Variants in BMPER observed in about 807,000 individuals in gnomAD.
The protein encoded by BMPER is BMP binding endothelial regulator, also known as BMP-binding endothelial regulator protein.
BMPER carries 45 observed loss-of-function variants against 87.3 expected under a neutral mutation model. The observed-to-expected ratio is 0.52, with a 90% confidence interval of 0.41 to 0.66. The LOEUF is 0.66. Among genes scored for constraint, BMPER ranks in the 30% least tolerant of loss-of-function variants. The probability of loss-of-function intolerance (pLI) is 0.00; values close to 1 mark genes in which losing one functional copy is unlikely to be tolerated. For missense variants in BMPER, 784 were observed against 867.5 expected, an observed-to-expected ratio of 0.90 and a Z score of 1.21; for synonymous variants, 326 against 316.2, an observed-to-expected ratio of 1.03 and a Z score of -0.33.
chr7:33,924,424 G>A (rs1483912752), intron 2 of BMPER, among the ~76,000 whole-genome samples: 7 of 152,100 alleles, frequency 4.6e-5, no homozygotes, highest in African/African-American at 1.7e-4. Flanking sequence ...ATGGCCCTGC[G>A]CGCTGCGGCT....
intron 14 of BMPER, among the ~76,000 whole-genome samples, chr7:34,152,379 A>AT (rs962206638): frequency 3.9e-5 from 6 of 152,234 alleles, no homozygotes; most frequent in African/African-American, 7.2e-5. Flanking sequence ...TGTTTGCATT[A>AT]TTTTTTTCTG....
intron 2 of BMPER, among the ~76,000 whole-genome samples, chr7:33,933,162 C>T (rs570012459): frequency 6.6e-6 from 1 of 152,252 alleles, no homozygotes; most frequent in South Asian, 2.1e-4. Flanking sequence ...TGTTGCCAGT[C>T]ATGTTGATTT....
At chr7:34,036,740 A>G (rs1787680906) in intron 6 of BMPER, among the ~76,000 whole-genome samples, 2 of 152,218 alleles carry the variant, frequency 1.3e-5, no homozygotes, top group Admixed American at 1.3e-4. Context: ...CAAAGAGGAA[A>G]GTAAAATAGC....
chr7:33,986,973 C>G (rs1237875243), intron 6 of BMPER, among the ~76,000 whole-genome samples: 1 of 152,012 alleles, frequency 6.6e-6, no homozygotes, highest in Non-Finnish European at 1.5e-5. Flanking sequence ...TCTGTTCCAT[C>G]TCCTTCCCCG....
At chr7:34,028,521 T>G (rs2127949707) in intron 6 of BMPER, among the ~76,000 whole-genome samples, 1 of 150,324 alleles carries the variant, frequency 6.7e-6, no homozygotes, top group Admixed American at 6.7e-5. Context: ...AAACCACTAG[T>G]CTAAGCTATA....
At chr7:34,128,517 A>C (rs80292919) in intron 13 of BMPER, among the ~76,000 whole-genome samples, 11 of 152,346 alleles carry the variant, frequency 7.2e-5, no homozygotes, top group East Asian at 3.9e-4. Flanking sequence ...GTTTGCGCTT[A>C]GGTGGAACAC....
At chr7:34,125,778 T>C (rs1790386367) in intron 13 of BMPER, among the ~76,000 whole-genome samples, 1 of 152,252 alleles carries the variant, frequency 6.6e-6, no homozygotes. Context: ...ATTCATTCAA[T>C]ATTGTTGTGT....
intron 9 of BMPER, among the ~76,000 whole-genome samples, chr7:34,057,857 C>CACAT (rs3221313): frequency 6.6e-6 from 1 of 151,704 alleles, no homozygotes; most frequent in Non-Finnish European, 1.5e-5. Context: ...CACACACACA[C>CACAT]ATGCTTGCAC....
At chr7:34,129,298 T>C (rs1412074234) in intron 13 of BMPER, among the ~76,000 whole-genome samples, 3 of 151,894 alleles carry the variant, frequency 2.0e-5, no homozygotes, top group Non-Finnish European at 2.9e-5. Context: ...GTCAGGAGTT[T>C]GAGACCATCC....
intron 11 of BMPER, among the ~76,000 whole-genome samples, chr7:34,073,288 G>T (rs536930809): frequency 6.6e-6 from 1 of 152,206 alleles, no homozygotes; most frequent in East Asian, 1.9e-4. Flanking sequence ...AGGCAATTTT[G>T]CCATTATTCG....
At chr7:34,001,661 A>G (rs1435893600) in intron 6 of BMPER, among the ~76,000 whole-genome samples, 1 of 146,130 alleles carries the variant, frequency 6.8e-6, no homozygotes, top group African/African-American at 2.5e-5. Flanking sequence ...CTGTTTTTCT[A>G]TTCTCGATTT....
chr7:34,019,459 C>A (rs549608551), intron 6 of BMPER, among the ~76,000 whole-genome samples: 1 of 151,966 alleles, frequency 6.6e-6, no homozygotes, highest in Non-Finnish European at 1.5e-5. Context: ...TCCTCTGATC[C>A]GCATCATTTA....
intron 2 of BMPER, among the ~76,000 whole-genome samples, chr7:33,935,421 G>C (rs534893239): frequency 6.6e-6 from 1 of 152,244 alleles, no homozygotes; most frequent in South Asian, 2.1e-4. Context: ...AACCAGATCT[G>C]AGCTTCAGGG....
At chr7:34,104,390 G>A (rs1789764889) in intron 13 of BMPER, among the ~76,000 whole-genome samples, 2 of 152,224 alleles carry the variant, frequency 1.3e-5, no homozygotes, top group Admixed American at 1.3e-4. Context: ...ATACGCTGGA[G>A]GAAGTCAGAG....
chr7:34,070,681 C>A (rs1349105210), intron 11 of BMPER, among the ~76,000 whole-genome samples: 1 of 152,146 alleles, frequency 6.6e-6, no homozygotes, highest in Non-Finnish European at 1.5e-5. Context: ...ATTAAATACA[C>A]TCAGGAAATG....
At chr7:33,969,991 AC>A (rs1218060780) in intron 4 of BMPER, among the ~76,000 whole-genome samples, 1 of 152,212 alleles carries the variant, frequency 6.6e-6, no homozygotes, top group African/African-American at 2.4e-5. Context: ...AGTGTGGAAA[AC>A]CTAAAACAAT....
intron 13 of BMPER, among the ~76,000 whole-genome samples, chr7:34,117,428 T>C (rs1790146030): frequency 6.6e-6 from 1 of 152,170 alleles, no homozygotes; most frequent in Non-Finnish European, 1.5e-5. Context: ...CAGGAGGCCA[T>C]ATCTTGTCCC....
rs1783794576 is a variant in BMPER at position 33,905,721 on chromosome 7, G to A, written c.108G>A (p.Met36Ile). Reference sequence around the variant, plus strand: ...TACTCAATTGCTCGGGGGTCCCCATGTCTCTGGCTTCCTCCTTCTTGACAG... The same window carrying A: ...TACTCAATTGCTCGGGGGTCCCCATATCTCTGGCTTCCTCCTTCTTGACAG... ...LLLLNCSGVP[M>I]SLASSFLTGS... The change falls in exon 1 of 15, where the codon ATG becomes ATA. Residue 36 changes from methionine (M) to isoleucine (I), a missense_variant. Coordinates refer to ENST00000649409, the MANE Select transcript of BMPER (RefSeq NM_001365308.1). 2 of 1,611,630 alleles carry A rather than the reference G, an allele frequency of 1.2e-6. No individual in the cohort carries two copies. Among genetic ancestry groups the A allele is most frequent in the African/African-American group, 1.3e-5 (1 of 74,772 alleles).
At chr7:33,920,576 C>G (rs1473278719) in intron 2 of BMPER, among the ~76,000 whole-genome samples, 2 of 151,924 alleles carry the variant, frequency 1.3e-5, no homozygotes, top group Non-Finnish European at 2.9e-5. Context: ...CAGGTGCACA[C>G]CACCACGCCT....
Sources: allele counts gnomAD v4.1 joint callset (sites outside exome capture counted in the v4.1 genomes callset), GRCh38; gene constraint gnomAD v4.1.1; transcripts MANE v1.5; gene names NCBI Gene and HGNC (gene_info 2026-07-23, HGNC 2026-07-21).